COL19A1: variants seen among roughly 807,000 people sequenced by gnomAD.
The protein encoded by COL19A1 is collagen type XIX alpha 1 chain.
A neutral mutation model predicts 190.2 loss-of-function variants in COL19A1; 159 were observed. That is an observed-to-expected ratio of 0.84 (90% confidence interval 0.73 to 0.95). The LOEUF is 0.95. COL19A1 is among the 40% of genes least tolerant of loss of function. The pLI is 0.00. For synonymous variants in COL19A1, 509 were observed against 458.9 expected, an observed-to-expected ratio of 1.11 and a Z score of -1.39; for missense variants, 1,418 against 1,431.9, an observed-to-expected ratio of 0.99 and a Z score of 0.16.
intron 4 of COL19A1, among the ~76,000 whole-genome samples, chr6:69,915,496 T>G: frequency 6.6e-6 from 1 of 152,180 alleles, no homozygotes; most frequent in East Asian, 1.9e-4. Flanking sequence ...GAATGCTCAT[T>G]ATTTGTTCAG....
chr6:70,106,933 G>C (rs1450028955), intron 16 of COL19A1, among the ~76,000 whole-genome samples: 1 of 152,222 alleles, frequency 6.6e-6, no homozygotes, highest in Non-Finnish European at 1.5e-5. Context: ...TGAGGAAACA[G>C]GTTCAGAGGA....
intron 3 of COL19A1, among the ~76,000 whole-genome samples, chr6:69,899,233 C>T (rs1021769159): frequency 2.0e-5 from 3 of 149,490 alleles, no homozygotes; most frequent in African/African-American, 7.4e-5. Context: ...GGTGTGATCT[C>T]AGCTTGCTGC....
chr6:70,001,802 G>A (rs936699477), intron 11 of COL19A1, among the ~76,000 whole-genome samples: 7 of 152,156 alleles, frequency 4.6e-5, no homozygotes, highest in Non-Finnish European at 1.0e-4. Context: ...ATGAAATCAT[G>A]TCATCTGCAA....
rs568537443 is a variant in COL19A1 at position 69,939,034 on chromosome 6, A to T, written c.936+934A>T. Among the ~76,000 whole-genome samples the T allele has an allele frequency of 4.6e-5, 7 of 152,224 alleles. No individual in the cohort carries two copies. The East Asian group carries it at 9.7e-4, about 21-fold the overall frequency. The stretch of plus-strand genomic sequence containing the variant: ...AAAGACAGGAGACGGAAGTCTGAGA[A>T]ATGACTGATCCCTCAAAGCTTCAAC... On this transcript the variant is annotated intron_variant, in intron 9 of 50. Coordinates refer to ENST00000620364, the MANE Select transcript of COL19A1 (RefSeq NM_001858.6).
At chr6:70,057,232 G>A (rs1780556802) in intron 14 of COL19A1, among the ~76,000 whole-genome samples, 1 of 152,082 alleles carries the variant, frequency 6.6e-6, no homozygotes, top group Admixed American at 6.6e-5. Context: ...TTAAAATGGA[G>A]TCAATCATAC....
intron 9 of COL19A1, among the ~76,000 whole-genome samples, chr6:69,952,354 G>A (rs1383298752): frequency 6.6e-6 from 1 of 151,616 alleles, no homozygotes; most frequent in Non-Finnish European, 1.5e-5. Context: ...GCTCAATCAT[G>A]GGCACTCTCC....
rs191399697 is a variant in COL19A1, at chr6:70,134,388, C to T, written c.1384-3297C>T. ...CTACCATAGAAAAAAACAATACTTA[C>T]GTAGCTTCCTCTGAATTAGGAAAAA... On this transcript the variant is annotated intron_variant, in intron 18 of 50. Coordinates refer to ENST00000620364, the MANE Select transcript of COL19A1 (RefSeq NM_001858.6). Among the ~76,000 whole-genome samples the T allele has an allele frequency of 3.2e-4, 48 of 152,228 alleles. No individual in the cohort carries two copies. In the East Asian group the frequency reaches 5.8e-3, roughly 18 times the overall value.
At chr6:69,877,150 G>A (rs1471002398) in intron 1 of COL19A1, among the ~76,000 whole-genome samples, 2 of 152,050 alleles carry the variant, frequency 1.3e-5, no homozygotes, top group Non-Finnish European at 2.9e-5. Context: ...TTGAATGATG[G>A]CACCCAAGTG....
intron 14 of COL19A1, among the ~76,000 whole-genome samples, chr6:70,060,204 C>A (rs1780741349): frequency 6.6e-6 from 1 of 152,096 alleles, no homozygotes; most frequent in South Asian, 2.1e-4. Context: ...TAATTAAGTC[C>A]AAGTTTTGAA....
chr6:69,984,499 A>G (rs550416926), intron 11 of COL19A1, among the ~76,000 whole-genome samples: 2 of 152,164 alleles, frequency 1.3e-5, no homozygotes, highest in African/African-American at 4.8e-5. Flanking sequence ...TTTTTGTCAG[A>G]TATATAATTT....
intron 11 of COL19A1, among the ~76,000 whole-genome samples, chr6:69,983,459 A>AT (rs1354638967): frequency 1.3e-5 from 2 of 151,748 alleles, no homozygotes; most frequent in Non-Finnish European, 2.9e-5. Flanking sequence ...TATTTCTTGG[A>AT]TTTTTTTTCT....
chr6:70,040,483 A>G (rs147961340), intron 14 of COL19A1, among the ~76,000 whole-genome samples: 1 of 152,318 alleles, frequency 6.6e-6, no homozygotes, highest in African/African-American at 2.4e-5. Context: ...ACTCTCTAAT[A>G]TATAAGAAAC....
rs752329469 is a variant in COL19A1 at position 70,149,892 on chromosome 6, T to A, written c.1971T>A (p.Thr657=). 3.7e-6 allele frequency: 6 copies of A among 1,613,766 alleles called. No homozygotes were observed. Among genetic ancestry groups the A allele is most frequent in the Non-Finnish European group, 5.1e-6 (6 of 1,179,784 alleles). ...GLPGLPGTPG[T]PGNDGVPGRD... is the part of the protein sequence containing the mutation. ...CTGGGTTGCCAGGAACTCCAGGGAC[T>A]CCAGGGAATGATGTAAGGACTTTCT... is the stretch of plus-strand genomic sequence containing the variant. The change falls in exon 29 of 51, where the codon ACT becomes ACA. Residue 657 remains threonine (T), a synonymous_variant. Transcript: ENST00000620364.
chr6:70,170,343 A>G (rs961084722), intron 40 of COL19A1, among the ~76,000 whole-genome samples: 17 of 152,222 alleles, frequency 1.1e-4, no homozygotes, highest in Admixed American at 2.6e-4. Flanking sequence ...ACAGAGCAAA[A>G]ACTTGAGAAG....
chr6:69,987,759 T>A, intron 11 of COL19A1, among the ~76,000 whole-genome samples: 1 of 152,328 alleles, frequency 6.6e-6, no homozygotes, highest in East Asian at 1.9e-4. Context: ...CCATGCTTAC[T>A]TGGGAGCCTC....
At chr6:69,871,314 C>T (rs1582237804) in intron 1 of COL19A1, among the ~76,000 whole-genome samples, 1 of 152,276 alleles carries the variant, frequency 6.6e-6, no homozygotes, top group South Asian at 2.1e-4. Context: ...CTTATTTACA[C>T]AATGTGTCAC....
chr6:69,877,050 T>C (rs527814051), intron 1 of COL19A1, among the ~76,000 whole-genome samples: 1 of 152,302 alleles, frequency 6.6e-6, no homozygotes, highest in South Asian at 2.1e-4. Context: ...CCAAAGAAGA[T>C]GGTGGCTTTA....
intron 16 of COL19A1, among the ~76,000 whole-genome samples, chr6:70,108,873 T>A (rs1380997563): frequency 6.6e-6 from 1 of 152,096 alleles, no homozygotes; most frequent in Non-Finnish European, 1.5e-5. Context: ...AAAGCATGAA[T>A]CATTGCACAG....
intron 4 of COL19A1, among the ~76,000 whole-genome samples, chr6:69,916,433 T>A (rs1771314992): frequency 3.3e-5 from 5 of 152,218 alleles, no homozygotes. Context: ...TATTCCTGAT[T>A]TTTTTTCATC....
Sources: allele counts gnomAD v4.1 joint callset (sites outside exome capture counted in the v4.1 genomes callset), GRCh38; gene constraint gnomAD v4.1.1; transcripts MANE v1.5; gene names NCBI Gene and HGNC (gene_info 2026-07-23, HGNC 2026-07-21).